The following DAAM2 variants were observed in gnomAD, a reference collection of about 807,000 sequenced individuals.
The protein encoded by DAAM2 is dishevelled associated activator of morphogenesis 2.
DAAM2 carries 39 observed loss-of-function variants against 120.7 expected under a neutral mutation model. The observed-to-expected ratio is 0.32, with a 90% CI of 0.25 to 0.42. DAAM2 has a LOEUF of 0.42. Among genes scored for constraint, DAAM2 ranks in the 10% least tolerant of loss-of-function variants. The pLI, the probability that DAAM2 is intolerant of heterozygous loss-of-function variation, is 1.00. For missense variants in DAAM2, 1,283 were observed against 1,401.7 expected, an observed-to-expected ratio of 0.92 and a Z score of 1.35; for synonymous variants, 488 against 524.9, an observed-to-expected ratio of 0.93 and a Z score of 0.96.
Position 39,891,367 on chromosome 6 carries a change from T to C in DAAM2, c.2172T>C (p.Ser724=). ...EQLLKFIPEK[S]DIDLLEEHKH... ...TCCTCAAGTTCATCCCAGAGAAGAG[T>C]GACATTGACCTCCTGGAGGAGCACA... The change falls in exon 18 of 25, where the codon AGT becomes AGC. Residue 724 remains serine (S), a synonymous_variant. Coordinates refer to ENST00000274867, the MANE Select transcript of DAAM2 (RefSeq NM_001201427.2). 1 of 1,610,066 alleles carries C rather than the reference T, an allele frequency of 6.2e-7. No individual in the cohort carries two copies. The highest frequency in any genetic ancestry group is 1.1e-5 in the South Asian group (1 of 90,058).
At position 39,875,477 on chromosome 6, in the gene DAAM2, T is replaced by C. The variant is rs750846189; in HGVS notation, c.1301+9T>C. On this transcript the variant is annotated intron_variant, in intron 11 of 24. Coordinates refer to ENST00000274867, the MANE Select transcript of DAAM2 (RefSeq NM_001201427.2). ...AAGAACATCGTCAACATGTGAGCAG[T>C]GGCCAGCCTTTGCCCTGTCTTCCTC... is the stretch of plus-strand genomic sequence containing the variant. 6 of 1,611,612 alleles carry C rather than the reference T, an allele frequency of 3.7e-6. No homozygotes were observed. In the South Asian group the frequency reaches 6.6e-5, roughly 18 times the overall value.
chr6:39,860,648 G>T (rs1764172665), intron 2 of DAAM2, among the ~76,000 whole-genome samples: 1 of 152,310 alleles, frequency 6.6e-6, no homozygotes, highest in East Asian at 1.9e-4. Context: ...GGAACAGGGT[G>T]ACCTGAAGCA....
intron 2 of DAAM2, 134 bp from the exon 3 acceptor site, chr6:39,860,794 T>A: frequency 1.4e-6 from 1 of 738,686 alleles, no homozygotes; most frequent in Non-Finnish European, 2.3e-6. Context: ...TATCATATCT[T>A]TGATGCTCTT....
intron 7 of DAAM2, among the ~76,000 whole-genome samples, chr6:39,869,960 A>G (rs1764591933): frequency 6.6e-6 from 1 of 151,966 alleles, no homozygotes; most frequent in South Asian, 2.1e-4. Context: ...TAGATTAGTT[A>G]TGCTATGATC....
chr6:39,829,967 G>A (rs1762815504), intron 1 of DAAM2, among the ~76,000 whole-genome samples: 1 of 152,014 alleles, frequency 6.6e-6, no homozygotes, highest in Non-Finnish European at 1.5e-5. Context: ...CCTTCCCCAC[G>A]CTGAGTTAGA....
At position 39,871,545 on chromosome 6, in the gene DAAM2, C is replaced by T; in HGVS notation, c.1017C>T (p.Asp339=). The change falls in exon 9 of 25, where the codon GAC becomes GAT. Residue 339 remains aspartate, a synonymous_variant. Transcript: ENST00000274867. ...TCGAGATGGTGCGGAATGAGGATGACCTGGAGCTAGCCAGGAGGTTTGACA... is the reference window on the plus strand; with the variant it reads ...TCGAGATGGTGCGGAATGAGGATGATCTGGAGCTAGCCAGGAGGTTTGACA... The part of the protein sequence containing the change: ...DFFEMVRNED[D]LELARRFDMV... 1 of 1,551,064 alleles carries T rather than the reference C, an allele frequency of 6.4e-7. No individual in the cohort carries two copies. The highest frequency in any genetic ancestry group is 8.7e-7 in the Non-Finnish European group (1 of 1,147,088).
intron 1 of DAAM2, among the ~76,000 whole-genome samples, chr6:39,838,070 G>A (rs2149246595): frequency 6.6e-6 from 1 of 152,326 alleles, no homozygotes; most frequent in South Asian, 2.1e-4. Flanking sequence ...GGGATTTGCA[G>A]AAGATCTGCA....
At chr6:39,842,327 A>G (rs1476159103) in intron 1 of DAAM2, among the ~76,000 whole-genome samples, 1 of 152,176 alleles carries the variant, frequency 6.6e-6, no homozygotes, top group Non-Finnish European at 1.5e-5. Context: ...GGAGAAGTTA[A>G]TTGGTATAAA....
intron 14 of DAAM2, among the ~76,000 whole-genome samples, chr6:39,881,535 G>A (rs1005301003): frequency 2.0e-5 from 3 of 151,290 alleles, no homozygotes; most frequent in African/African-American, 7.4e-5. Flanking sequence ...TGGCCAACAT[G>A]GTGAAACCCC....
At chr6:39,822,441 C>A (rs1445392031) in intron 1 of DAAM2, 1 of 152,092 alleles carries the variant, frequency 6.6e-6, no homozygotes. Flanking sequence ...GGGGATTTAC[C>A]AAAATATAAT....
At chr6:39,843,155 T>C (rs1378696601) in intron 1 of DAAM2, among the ~76,000 whole-genome samples, 1 of 152,182 alleles carries the variant, frequency 6.6e-6, no homozygotes, top group Non-Finnish European at 1.5e-5. Context: ...TTAGCTCTTA[T>C]CAAGTTCCTG....
chr6:39,881,870 C>T (rs2149335996), intron 14 of DAAM2: 1 of 152,116 alleles, frequency 6.6e-6, no homozygotes, highest in East Asian at 1.9e-4. Context: ...TCTCACTTCT[C>T]ACGTCATCTC....
intron 1 of DAAM2, among the ~76,000 whole-genome samples, chr6:39,800,534 C>T (rs912438474): frequency 2.6e-5 from 4 of 152,230 alleles, no homozygotes; most frequent in Non-Finnish European, 5.9e-5. Context: ...GCTGGGTCCA[C>T]ATCCCTGTGT....
In DAAM2 at chr6:39,896,856, A is replaced by G; in HGVS notation, c.2386A>G (p.Arg796Gly). ...GGAGCTGGTCCGCAGCAAGCGTCTT[A>G]GACAGATGCTAGAGGTCATCCTAGC... ...SRELVRSKRL[R>G]QMLEVILAIG... The change falls in exon 20 of 25, where the codon AGA (arginine) becomes GGA (glycine). Residue 796 changes from arginine to glycine, a missense_variant. Arg to Gly is a moderately radical substitution (Grantham distance 125). Transcript: ENST00000274867. 1 of 1,613,134 alleles carries G rather than the reference A, an allele frequency of 6.2e-7. No homozygotes were observed. The highest frequency in any genetic ancestry group is 8.5e-7 in the Non-Finnish European group (1 of 1,179,472).
intron 14 of DAAM2, 25 bp downstream of exon 14, chr6:39,879,502 G>A: frequency 6.2e-7 from 1 of 1,613,980 alleles, no homozygotes; most frequent in Middle Eastern, 1.6e-4. Context: ...AGGGGCTGGA[G>A]GGCCCATTCT....
At chr6:39,805,774 C>A (rs1346488367) in intron 1 of DAAM2, among the ~76,000 whole-genome samples, 1 of 151,994 alleles carries the variant, frequency 6.6e-6, no homozygotes, top group East Asian at 1.9e-4. Context: ...GGATGGTCTC[C>A]ATCTCCTGAC....
chr6:39,883,679 C>A, intron 14 of DAAM2: 1 of 354,470 alleles, frequency 2.8e-6, no homozygotes, highest in Non-Finnish European at 5.2e-6. Flanking sequence ...CCCTTTCCTA[C>A]TGCCTACCCA....
chr6:39,856,171 A>G, intron 1 of DAAM2, 76 bp from the exon 2 acceptor site: 1 of 1,288,800 alleles, frequency 7.8e-7, no homozygotes, highest in Non-Finnish European at 9.8e-7. Context: ...GACAGAGGTT[A>G]TGAAGGCAGA....
intron 1 of DAAM2, among the ~76,000 whole-genome samples, chr6:39,812,261 T>G (rs190314195): frequency 6.6e-6 from 1 of 152,198 alleles, no homozygotes; most frequent in Admixed American, 6.5e-5. Context: ...ATACCTACCA[T>G]GTATGGAGGG....
Sources: gnomAD v4.1 joint callset for allele counts (sites outside exome capture counted in the v4.1 genomes callset) on GRCh38, gnomAD v4.1.1 for gene constraint, MANE v1.5 for transcripts, NCBI Gene and HGNC (gene_info 2026-07-23, HGNC 2026-07-21) for gene names.